XIRP2: variants seen among roughly 807,000 people sequenced by gnomAD.
XIRP2 encodes the protein xin actin-binding repeat-containing protein 2.
A neutral mutation model predicts 277.0 loss-of-function variants in XIRP2; 236 were observed. The ratio of observed to expected loss-of-function variants is 0.85; its 90% CI spans 0.77 to 0.95. The LOEUF is 0.95. Ranked by LOEUF, XIRP2 falls within the 40% of genes least tolerant of loss-of-function variation. The pLI is 0.00. For missense variants in XIRP2, 4,640 were observed against 4,157.5 expected (o/e 1.12, Z -3.19); for synonymous variants, 1,490 against 1,416.5 (o/e 1.05, Z -1.17).
At chr2:166,949,406 C>T (rs1427670541) in intron 2 of XIRP2, among the ~76,000 whole-genome samples, 1 of 152,060 alleles carries the variant, frequency 6.6e-6, no homozygotes, top group African/African-American at 2.4e-5. Flanking sequence ...TTAATGGAGG[C>T]TTGCACATGG....
At chr2:167,223,385 G>T (rs370939843) in intron 5 of XIRP2, among the ~76,000 whole-genome samples, 1 of 152,196 alleles carries the variant, frequency 6.6e-6, no homozygotes, top group South Asian at 2.1e-4. Context: ...ACTCTGATGC[G>T]CTGAGTGACA....
chr2:167,019,664 G>A (rs953291224), intron 2 of XIRP2, among the ~76,000 whole-genome samples: 1 of 152,054 alleles, frequency 6.6e-6, no homozygotes, highest in African/African-American at 2.4e-5. Flanking sequence ...TTACTGAGAA[G>A]TGGCAATGTG....
At chr2:167,142,875 A>G (rs1574292986) in intron 3 of XIRP2, among the ~76,000 whole-genome samples, 1 of 152,254 alleles carries the variant, frequency 6.6e-6, no homozygotes, top group African/African-American at 2.4e-5. Context: ...GGGCATGGCT[A>G]AAAGAAACTC....
At chr2:167,118,209 G>A (rs1423125437) in intron 2 of XIRP2, among the ~76,000 whole-genome samples, 1 of 152,160 alleles carries the variant, frequency 6.6e-6, no homozygotes, top group Non-Finnish European at 1.5e-5. Flanking sequence ...TCTGGGTGCA[G>A]TGGCTCACGC....
rs908483386 is a variant in XIRP2 at position 167,036,103 on chromosome 2, C to T, written c.409-99806C>T. Among the ~76,000 whole-genome samples, 7 of 152,314 alleles carry T rather than the reference C, an allele frequency of 4.6e-5. No individual in the cohort carries two copies. The East Asian group carries it at 7.7e-4, about 17-fold the overall frequency. The stretch of plus-strand genomic sequence containing the variant: ...AGGCAAAAGTTTGCTGCAGAGGCAG[C>T]GCCCTCATGGAGAACCTCTGCTAGG... On this transcript the variant is annotated intron_variant, in intron 2 of 10. Coordinates refer to ENST00000409195, the MANE Select transcript of XIRP2 (RefSeq NM_152381.6).
At chr2:166,951,517 A>G (rs145723617) in intron 2 of XIRP2, among the ~76,000 whole-genome samples, 50 of 152,156 alleles carry the variant, frequency 3.3e-4, no homozygotes, top group African/African-American at 1.2e-3. Flanking sequence ...AAGGTGGGCA[A>G]CAGAGTGGAA....
intron 4 of XIRP2, among the ~76,000 whole-genome samples, chr2:167,212,612 A>G (rs1694088075): frequency 6.6e-6 from 1 of 152,226 alleles, no homozygotes; most frequent in Non-Finnish European, 1.5e-5. Flanking sequence ...AGAGAAAGTT[A>G]CTTATAGATT....
At chr2:166,911,508 C>T (rs1264457040) in intron 2 of XIRP2, among the ~76,000 whole-genome samples, 1 of 152,124 alleles carries the variant, frequency 6.6e-6, no homozygotes, top group Non-Finnish European at 1.5e-5. Flanking sequence ...TGTGTCTCTG[C>T]CCATGAGATG....
chr2:166,943,612 CT>C (rs965399691), intron 2 of XIRP2, among the ~76,000 whole-genome samples: 6 of 152,226 alleles, frequency 3.9e-5, no homozygotes, highest in Non-Finnish European at 7.3e-5. Context: ...GGGCATGGGA[CT>C]GAAGTCAGGG....
chr2:167,121,600 A>C (rs1448473082), intron 2 of XIRP2, among the ~76,000 whole-genome samples: 6 of 152,194 alleles, frequency 3.9e-5, no homozygotes, highest in African/African-American at 7.2e-5. Context: ...TTTTCATTAT[A>C]ATTCTTTTAA....
intron 2 of XIRP2, among the ~76,000 whole-genome samples, chr2:167,073,886 C>A (rs1179587737): frequency 2.0e-5 from 3 of 152,086 alleles, no homozygotes. Flanking sequence ...CTTTGATTGT[C>A]AAAGCAAGTC....
At chr2:166,915,651 A>T (rs746908996) in intron 2 of XIRP2, among the ~76,000 whole-genome samples, 23 of 152,212 alleles carry the variant, frequency 1.5e-4, no homozygotes, top group Non-Finnish European at 2.6e-4. Flanking sequence ...AAGGGGGTTG[A>T]CTTTTCTATT....
In XIRP2 at chr2:167,250,357, A is replaced by G. The variant is rs1289409765; in HGVS notation, c.8965A>G (p.Ser2989Gly). Residue 2989 changes from serine (S) to glycine (G), a missense_variant, in exon 9 of 11, where the codon AGT (serine) becomes GGT (glycine). Ser to Gly is a moderately conservative substitution (Grantham distance 56). Transcript: ENST00000409195. ...AAATACTATCCCAGGATGGCTGATAAGTGAAGATAAGAGAGAATATGCAGT... is the reference window on the plus strand; with the variant it reads ...AAATACTATCCCAGGATGGCTGATAGGTGAAGATAAGAGAGAATATGCAGT... Reference protein sequence around the residue: ...LLNTIPGWLISEDKREYAVHI... With the variant: ...LLNTIPGWLIGEDKREYAVHI... 1 of 1,613,494 alleles carries G rather than the reference A, an allele frequency of 6.2e-7. No individual in the cohort carries two copies. Among genetic ancestry groups the G allele is most frequent in the Non-Finnish European group, 8.5e-7 (1 of 1,179,696 alleles).
Position 167,245,337 on chromosome 2 carries a change from C to G in XIRP2, c.3945C>G (p.Leu1315=). 6.2e-7 allele frequency: 1 copy of G among 1,613,630 alleles called. No individual in the cohort carries two copies. Among genetic ancestry groups the G allele is most frequent in the Non-Finnish European group, 8.5e-7 (1 of 1,179,736 alleles). The change falls in exon 9 of 11, where the codon CTC becomes CTG. Residue 1315 remains leucine (L), a synonymous_variant. Transcript: ENST00000409195. ...GTGATGTAAAAAGCTACAGAATGCT[C>G]TTTGAAACCCAGCCACTCTATGCAA... ...IQGDVKSYRM[L]FETQPLYAIQ...
intron 10 of XIRP2, among the ~76,000 whole-genome samples, chr2:167,257,461 G>T (rs1426792373): frequency 1.3e-5 from 2 of 151,972 alleles, no homozygotes; most frequent in South Asian, 2.1e-4. Flanking sequence ...CTTCCAGCTC[G>T]TTCAAAATCC....
intron 3 of XIRP2, among the ~76,000 whole-genome samples, chr2:167,136,390 C>T (rs1234000874): frequency 6.6e-6 from 1 of 152,072 alleles, no homozygotes; most frequent in Non-Finnish European, 1.5e-5. Context: ...GGAAAACATA[C>T]TTGTCTTTCT....
intron 3 of XIRP2, among the ~76,000 whole-genome samples, chr2:167,163,447 G>A (rs1692427456): frequency 6.6e-6 from 1 of 152,142 alleles, no homozygotes. Flanking sequence ...GTGTTTTTGG[G>A]CATATTTATC....
intron 9 of XIRP2, 64 bp from the exon 10 acceptor site, chr2:167,253,967 TG>T (rs1553505979): frequency 6.7e-7 from 1 of 1,502,148 alleles, no homozygotes; most frequent in Non-Finnish European, 8.9e-7. Flanking sequence ...GTTTTTGTTT[TG>T]TTATGTTTTT....
intron 3 of XIRP2, among the ~76,000 whole-genome samples, chr2:167,160,929 T>C (rs1031560443): frequency 6.6e-6 from 1 of 152,192 alleles, no homozygotes; most frequent in African/African-American, 2.4e-5. Context: ...ACTTCCTAGA[T>C]ACAATGGGAG....
Sources: gnomAD v4.1 joint callset for allele counts (sites outside exome capture counted in the v4.1 genomes callset) on GRCh38, gnomAD v4.1.1 for gene constraint, MANE v1.5 for transcripts, NCBI Gene and HGNC (gene_info 2026-07-23, HGNC 2026-07-21) for gene names.